Variants in RPS6KA5 observed in about 807,000 individuals in gnomAD.
The protein encoded by RPS6KA5 is ribosomal protein S6 kinase alpha-5.
RPS6KA5 carries 27 observed loss-of-function variants against 85.5 expected under a neutral mutation model. The ratio of observed to expected loss-of-function variants is 0.32; its 90% CI spans 0.23 to 0.44. The LOEUF (loss-of-function observed/expected upper bound fraction) is 0.44. Among genes scored for constraint, RPS6KA5 ranks in the 20% least tolerant of loss-of-function variants. The pLI is 1.00. For synonymous variants in RPS6KA5, 334 were observed against 348.2 expected (o/e 0.96, Z 0.46); for missense variants, 811 against 980.9 (o/e 0.83, Z 2.31).
rs1279816200 is a variant in RPS6KA5, at chr14:90,863,316, AAAAAAAAAAAAAAAG to A, written c.*8743_*8757del. 2 of 147,106 alleles carry A rather than the reference AAAAAAAAAAAAAAAG, an allele frequency of 1.4e-5. No homozygotes were observed. The highest frequency in any genetic ancestry group is 3.0e-5 in the Non-Finnish European group (2 of 66,776). 9.1% of individuals were successfully genotyped at this position (147,106 alleles called of 1,614,324 possible). Reference sequence around the variant, plus strand: ...AGACTCCGTCTCAAAAAAAAAAAAAAAAAAAAAAAAAAAAGAAAAGAAAAGAAAAAAATATATATA... The same window carrying A: ...AGACTCCGTCTCAAAAAAAAAAAAAAAAAAGAAAAGAAAAAAATATATATA... On this transcript the variant is annotated 3_prime_UTR_variant, in exon 17 of 17. Coordinates refer to ENST00000614987, the MANE Select transcript of RPS6KA5 (RefSeq NM_004755.4).
chr14:90,891,727 C>G (rs1477108107), intron 13 of RPS6KA5, among the ~76,000 whole-genome samples: 1 of 152,164 alleles, frequency 6.6e-6, no homozygotes, highest in Non-Finnish European at 1.5e-5. Flanking sequence ...AAAAACAAAA[C>G]ATTAACTAAA....
intron 2 of RPS6KA5, among the ~76,000 whole-genome samples, chr14:90,987,998 T>C (rs945856059): frequency 2.6e-5 from 4 of 152,172 alleles, no homozygotes; most frequent in African/African-American, 9.7e-5. Context: ...ACTACTCTTA[T>C]CTCCAGCACC....
intron 5 of RPS6KA5, among the ~76,000 whole-genome samples, chr14:90,925,025 C>T (rs10151089): frequency 0.013 from 2,050 of 152,274 alleles, 57 homozygotes; most frequent in African/African-American, 0.046. Context: ...AATCTCCACA[C>T]AAATATCTAG....
chr14:91,013,317 C>T (rs1278759334), intron 1 of RPS6KA5, among the ~76,000 whole-genome samples: 1 of 152,152 alleles, frequency 6.6e-6, no homozygotes, highest in African/African-American at 2.4e-5. Flanking sequence ...AGCTCAGGGT[C>T]CAGAGGGGAC....
intron 3 of RPS6KA5, among the ~76,000 whole-genome samples, chr14:90,971,232 G>A (rs956103834): frequency 3.3e-5 from 5 of 152,056 alleles, no homozygotes; most frequent in Admixed American, 1.3e-4. Context: ...CAGGAGAATC[G>A]CTTGAACCTG....
intron 5 of RPS6KA5, among the ~76,000 whole-genome samples, chr14:90,938,583 C>A (rs1218907001): frequency 6.6e-6 from 1 of 152,328 alleles, no homozygotes; most frequent in Non-Finnish European, 1.5e-5. Context: ...TTCCACACAT[C>A]CTTTGAAATC....
At position 91,044,892 on chromosome 14, in the gene RPS6KA5, G is replaced by A. The variant is rs982075034; in HGVS notation, c.103+15440C>T. Among the ~76,000 whole-genome samples, 7 of 150,280 alleles carry A rather than the reference G, an allele frequency of 4.7e-5. No homozygotes were observed. The East Asian group carries it at 1.2e-3, about 25-fold the overall frequency. ...CAAAAAAAAAAAAAAGAAAAAAAAAGGTGGAAGAGACAAATGAGAAGAATG... is the reference window on the plus strand; with the variant it reads ...CAAAAAAAAAAAAAAGAAAAAAAAAAGTGGAAGAGACAAATGAGAAGAATG... On this transcript the variant is annotated intron_variant, in intron 1 of 16. Transcript: ENST00000614987.
chr14:90,990,194 G>A (rs779693861), intron 2 of RPS6KA5, among the ~76,000 whole-genome samples: 18 of 152,050 alleles, frequency 1.2e-4, no homozygotes, highest in Admixed American at 3.3e-4. Context: ...AAAAACAAAC[G>A]ATCCCATTAA....
intron 1 of RPS6KA5, among the ~76,000 whole-genome samples, chr14:91,056,865 A>ATTTTTTTTT (rs1595574839): frequency 1.8e-5 from 1 of 56,334 alleles, no homozygotes; most frequent in East Asian, 9.0e-4. Context: ...AGGCAGTATT[A>ATTTTTTTTT]TCTTTTTTTT....
At position 90,998,535 on chromosome 14, in the gene RPS6KA5, C is replaced by A. The variant is rs1020663253; in HGVS notation, c.175+2553G>T. Among the ~76,000 whole-genome samples, 8 of 152,280 alleles carry A rather than the reference C, an allele frequency of 5.3e-5. No homozygotes were observed. In the East Asian group the frequency reaches 7.7e-4, roughly 15 times the overall value. ...TATTTTTAAGGGAACTGAGTCACCA[C>A]AGAACTGTGATCCTCTTTCCCCTTT... On this transcript the variant is annotated intron_variant, in intron 2 of 16. Coordinates refer to ENST00000614987, the MANE Select transcript of RPS6KA5 (RefSeq NM_004755.4).
intron 1 of RPS6KA5, among the ~76,000 whole-genome samples, chr14:91,044,408 A>G (rs574935078): frequency 3.0e-3 from 399 of 133,406 alleles, no homozygotes; most frequent in African/African-American, 0.011. Flanking sequence ...AAAGAAAGAA[A>G]GAAAGAAAGA....
At chr14:90,908,783 G>A (rs966889017) in intron 7 of RPS6KA5, among the ~76,000 whole-genome samples, 7 of 152,204 alleles carry the variant, frequency 4.6e-5, no homozygotes, top group Non-Finnish European at 1.0e-4. Flanking sequence ...AGCTCCTCCT[G>A]GAAGTGAGCT....
chr14:90,902,255 C>G (rs1397724287), intron 9 of RPS6KA5, among the ~76,000 whole-genome samples: 1 of 151,942 alleles, frequency 6.6e-6, no homozygotes, highest in East Asian at 1.9e-4. Flanking sequence ...GAGGCCAAGG[C>G]AGGAGGATCA....
chr14:90,915,079 A>C (rs896554964), intron 7 of RPS6KA5, among the ~76,000 whole-genome samples: 6 of 152,248 alleles, frequency 3.9e-5, no homozygotes, highest in Admixed American at 3.9e-4. Context: ...AAGAAAGCCA[A>C]GAAAGATAAT....
intron 3 of RPS6KA5, among the ~76,000 whole-genome samples, chr14:90,956,411 G>C (rs925099040): frequency 6.6e-6 from 1 of 151,774 alleles, no homozygotes; most frequent in Non-Finnish European, 1.5e-5. Flanking sequence ...TAATCTATTT[G>C]TACCTTTGAT....
At chr14:90,935,333 T>C (rs1361759797) in intron 5 of RPS6KA5, among the ~76,000 whole-genome samples, 1 of 152,212 alleles carries the variant, frequency 6.6e-6, no homozygotes, top group Non-Finnish European at 1.5e-5. Flanking sequence ...TTCTCAATGG[T>C]ATATTTTAAT....
chr14:91,031,815 A>T (rs1440823636), intron 1 of RPS6KA5, among the ~76,000 whole-genome samples: 1 of 152,202 alleles, frequency 6.6e-6, no homozygotes, highest in African/African-American at 2.4e-5. Context: ...TTATAATATA[A>T]CTTCATTAAG....
intron 2 of RPS6KA5, among the ~76,000 whole-genome samples, chr14:90,979,640 C>T (rs1452061097): frequency 1.3e-5 from 2 of 152,208 alleles, no homozygotes; most frequent in African/African-American, 2.4e-5. Flanking sequence ...GGATTAGTAC[C>T]AACACACAAT....
rs1177976289 is a variant in RPS6KA5 at position 90,943,090 on chromosome 14, A to T, written c.606T>A (p.Phe202Leu). 6.3e-7 allele frequency: 1 copy of T among 1,594,482 alleles called. No individual in the cohort carries two copies. The change falls in exon 5 of 17, where the codon TTT (phenylalanine) becomes TTA (leucine). Residue 202 changes from phenylalanine (F) to leucine (L), a missense_variant. Physicochemically the swap from Phe to Leu is conservative, Grantham distance 22. Around this residue, in one of 3 missense-constraint regions of RPS6KA5, gnomAD observed 650 missense variants for 793.4 expected, o/e 0.82. Transcript: ENST00000614987. ...VLTDFGLSKE[F>L]VADETERAYS... is the part of the protein sequence containing the mutation. ...AAAATATACTCACTTCATCAGCCAC[A>T]AACTCCTTACTCAGACCAAAATCTG... is the stretch of plus-strand genomic sequence containing the variant.
Sources: gnomAD v4.1 joint callset for allele counts (sites outside exome capture counted in the v4.1 genomes callset) on GRCh38, gnomAD v4.1.1 for gene constraint, gnomAD v4.1.1 regional missense constraint, MANE v1.5 for transcripts, NCBI Gene and HGNC (gene_info 2026-07-23, HGNC 2026-07-21) for gene names.